OTOA: variants seen among roughly 807,000 people sequenced by gnomAD.
OTOA encodes otoancorin.
A neutral mutation model predicts 110.8 loss-of-function variants in OTOA; 70 were observed. That is an observed-to-expected ratio of 0.63 (90% CI 0.52 to 0.77). The LOEUF is 0.77. Among genes scored for constraint, OTOA ranks in the 30% least tolerant of loss-of-function variants. The probability of loss-of-function intolerance (pLI) is 0.00; values close to 1 mark genes in which losing one functional copy is unlikely to be tolerated. For synonymous variants in OTOA, 373 were observed against 431.5 expected (o/e 0.86, Z 1.68); for missense variants, 917 against 1,075.8 (o/e 0.85, Z 2.06).
intron 12 of OTOA, among the ~76,000 whole-genome samples, chr16:21,707,642 T>TTTCTTTCC (rs1567379527): frequency 8.5e-6 from 1 of 117,146 alleles, no homozygotes; most frequent in East Asian, 2.1e-4. Context: ...TCTTTCTTTC[T>TTTCTTTCC]TTCTTTCTTT....
Position 21,709,999 on chromosome 16 carries a change from T to C in OTOA, c.1216T>C (p.Ser406Pro). The C allele has an allele frequency of 1.9e-6, 3 of 1,613,908 alleles. No homozygotes were observed. The highest frequency in any genetic ancestry group is 2.5e-6 in the Non-Finnish European group (3 of 1,179,966). The change falls in exon 13 of 29, where the codon TCC becomes CCC. Residue 406 changes from serine to proline, a missense_variant. Physicochemically the swap from Ser to Pro is moderately conservative, Grantham distance 74 (BLOSUM62 -1). Transcript: ENST00000646100. ...GACCTACAGCCAACTGGAATCCCTC[T>C]CCCCCGAGGCTGTGCACGGAGCCAT... is the stretch of plus-strand genomic sequence containing the variant. Reference protein sequence around the residue: ...GLTYSQLESLSPEAVHGAIST... With the variant: ...GLTYSQLESLPPEAVHGAIST...
chr16:21,679,161 T>G, intron 4 of OTOA, 23 bp from the exon 5 acceptor site: 1 of 1,613,936 alleles, frequency 6.2e-7, no homozygotes, highest in Non-Finnish European at 8.5e-7. Context: ...TAAAGATGTC[T>G]TTTCATTTTA....
At chr16:21,699,479 A>G (rs1338946368) in intron 10 of OTOA, among the ~76,000 whole-genome samples, 2 of 151,532 alleles carry the variant, frequency 1.3e-5, no homozygotes, top group Non-Finnish European at 2.9e-5. Flanking sequence ...CTACAAAAAA[A>G]TTTAAAAATT....
At chr16:21,704,297 C>T (rs944778643) in intron 11 of OTOA, among the ~76,000 whole-genome samples, 1 of 152,078 alleles carries the variant, frequency 6.6e-6, no homozygotes, top group Non-Finnish European at 1.5e-5. Flanking sequence ...GAGATCAGCT[C>T]TAGAATTTAG....
At chr16:21,695,434 G>A (rs1397492861) in intron 9 of OTOA, among the ~76,000 whole-genome samples, 1 of 151,986 alleles carries the variant, frequency 6.6e-6, no homozygotes, top group Non-Finnish European at 1.5e-5. Flanking sequence ...TTTATGCTTA[G>A]TAATAAGTTA....
At chr16:21,729,712 G>T (rs1899046943) in intron 20 of OTOA, 1 of 152,006 alleles carries the variant, frequency 6.6e-6, no homozygotes, top group South Asian at 2.1e-4. Flanking sequence ...TGATACTTTT[G>T]CCTTTTCTAG....
chr16:21,717,005 C>T lies in OTOA; in HGVS notation c.1587C>T (p.Phe529=). ...TTGATTTAAGGAGGCAACCTGGATT[C>T]AACTCTACAGTCCTGAAGGATAAGG... ...SLFDLRRQPG[F]NSTVLKDKEL... Residue 529 remains phenylalanine (F), a synonymous_variant, in exon 15 of 29, where the codon TTC becomes TTT. Transcript: ENST00000646100. The T allele has an allele frequency of 6.2e-7, 1 of 1,614,106 alleles. No individual in the cohort carries two copies. The highest frequency in any genetic ancestry group is 8.5e-7 in the Non-Finnish European group (1 of 1,180,020).
intron 21 of OTOA, among the ~76,000 whole-genome samples, chr16:21,735,983 T>G (rs1899282211): frequency 6.6e-6 from 1 of 152,230 alleles, no homozygotes; most frequent in South Asian, 2.1e-4. Context: ...TGCCCAGCAT[T>G]AAGTATTAGC....
intron 12 of OTOA, chr16:21,705,548 G>T: frequency 2.0e-6 from 1 of 511,634 alleles, no homozygotes; most frequent in Non-Finnish European, 3.5e-6. Flanking sequence ...GGTGGCTCAT[G>T]CCTGTAATCC....
chr16:21,667,671 C>T (rs1037844679), intron 1 of OTOA, among the ~76,000 whole-genome samples: 1 of 151,524 alleles, frequency 6.6e-6, no homozygotes. Context: ...AGTAAGGGAA[C>T]ATGGAATACA....
Position 21,728,264 on chromosome 16 carries a change from C to T in OTOA, c.2040C>T (p.Tyr680=), listed in dbSNP as rs373729448. ...QCLDDSIADE[Y]TVDIMGNLLC... is the part of the protein sequence containing the mutation. ...AGGACGACTCCATTGCTGATGAGTA[C>T]ACTGTGGACATCATGGGGAACCTGC... The change falls in exon 20 of 29, where the codon TAC becomes TAT. Residue 680 remains tyrosine (Y), a synonymous_variant. Coordinates refer to ENST00000646100, the MANE Select transcript of OTOA (RefSeq NM_144672.4). 3.1e-6 allele frequency: 5 copies of T among 1,614,066 alleles called. No homozygotes were observed. The highest frequency in any genetic ancestry group is 1.7e-5 in the Admixed American group (1 of 60,006).
At chr16:21,701,186 G>A in intron 11 of OTOA, 159 bp downstream of exon 11, 4 of 1,096,446 alleles carry the variant, frequency 3.6e-6, no homozygotes, top group Non-Finnish European at 5.3e-6. Context: ...AGAGGTGTCT[G>A]CAACTTTTTT....
chr16:21,723,047 G>A lies in OTOA; in HGVS notation c.1880+69G>A, dbSNP rs1044404199. ...CGGTGGGAATCACTGAAGTCAAAATGATTCTCTCCCCACTGGGTTTTCTTC... is the reference window on the plus strand; with the variant it reads ...CGGTGGGAATCACTGAAGTCAAAATAATTCTCTCCCCACTGGGTTTTCTTC... On this transcript the variant is annotated intron_variant, in intron 18 of 28. Coordinates refer to ENST00000646100, the MANE Select transcript of OTOA (RefSeq NM_144672.4). 3.5e-5 allele frequency: 53 copies of A among 1,520,482 alleles called. 1 individual carries two copies. The highest frequency in any genetic ancestry group is 4.7e-5 in the Non-Finnish European group (51 of 1,096,314). The allele number at this position is 1,520,482 out of a possible 1,614,324, so 94.2% of individuals were successfully genotyped here.
At chr16:21,757,759 A>G (rs1808683930) in intron 28 of OTOA, among the ~76,000 whole-genome samples, 1 of 151,914 alleles carries the variant, frequency 6.6e-6, no homozygotes, top group Non-Finnish European at 1.5e-5. Flanking sequence ...CTAGGATCAC[A>G]GGTGTGTGCC....
chr16:21,713,604 G>A (rs551225927), intron 13 of OTOA, among the ~76,000 whole-genome samples: 2 of 152,290 alleles, frequency 1.3e-5, no homozygotes, highest in South Asian at 2.1e-4. Flanking sequence ...ATTCTTGTGA[G>A]GTACAGAGTG....
intron 9 of OTOA, among the ~76,000 whole-genome samples, chr16:21,694,027 T>C (rs891401273): frequency 6.6e-6 from 1 of 152,194 alleles, no homozygotes; most frequent in Non-Finnish European, 1.5e-5. Context: ...CTGTAGACAA[T>C]AGATGAATGA....
At chr16:21,723,437 G>T (rs1301093582) in intron 18 of OTOA, among the ~76,000 whole-genome samples, 4 of 139,812 alleles carry the variant, frequency 2.9e-5, no homozygotes, top group Admixed American at 1.5e-4. Context: ...TATTGTCTTC[G>T]TTCATTCAAA....
In OTOA at chr16:21,726,635, C is replaced by T. The variant is rs759064111; in HGVS notation, c.1993C>T (p.Leu665Phe). The T allele has an allele frequency of 5.6e-6, 9 of 1,614,048 alleles. No individual in the cohort carries two copies. The South Asian group carries it at 6.6e-5, about 12-fold the overall frequency. The change falls in exon 19 of 29, where the codon CTC becomes TTC. Residue 665 changes from leucine (L) to phenylalanine (F), a missense_variant. By Grantham distance (22) the Leu-to-Phe change is conservative. Transcript: ENST00000646100. ...AGATTCCCACAAAAAGACTTCAGTC[C>T]TCAGGAAAGTGCAGCAGTGCCTGGT... is the stretch of plus-strand genomic sequence containing the variant. ...VLDSHKKTSV[L>F]RKVQQCLDDS... is the part of the protein sequence containing the mutation.
intron 13 of OTOA, 86 bp downstream of exon 13, chr16:21,710,189 T>A (rs1898314542): frequency 3.1e-5 from 40 of 1,282,640 alleles, no homozygotes; most frequent in Non-Finnish European, 4.4e-5. Flanking sequence ...AAATATACTG[T>A]AGATTGAGTG....
Sources: allele counts gnomAD v4.1 joint callset (sites outside exome capture counted in the v4.1 genomes callset), GRCh38; gene constraint gnomAD v4.1.1; transcripts MANE v1.5; gene names NCBI Gene and HGNC (gene_info 2026-07-23, HGNC 2026-07-21).